The following DNAJC25 variants were observed in gnomAD, a reference collection of about 807,000 sequenced individuals.
The protein encoded by DNAJC25 is dnaJ homolog subfamily C member 25.
Under a neutral mutation model 42.1 loss-of-function variants are expected in DNAJC25, and 26 were observed. That is an observed-to-expected ratio of 0.62 (90% CI 0.45 to 0.86). DNAJC25 has a LOEUF of 0.86. Among genes scored for constraint, DNAJC25 ranks in the 40% least tolerant of loss-of-function variants. DNAJC25 has a pLI of 0.00. For missense variants in DNAJC25, 404 were observed against 459.4 expected, an observed-to-expected ratio of 0.88 and a Z score of 1.10; for synonymous variants, 189 against 179.9, an observed-to-expected ratio of 1.05 and a Z score of -0.40.
At chr9:111,641,286 C>T (rs1830457267) in intron 1 of DNAJC25, among the ~76,000 whole-genome samples, 1 of 145,678 alleles carries the variant, frequency 6.9e-6, no homozygotes, top group Admixed American at 6.8e-5. Flanking sequence ...GCGCCTCTGC[C>T]CGGCCGCCCC....
chr9:111,649,693 C>T lies in DNAJC25; in HGVS notation c.730C>T (p.Leu244Phe). The change falls in exon 3 of 4, where the codon CTT (leucine) becomes TTT (phenylalanine). Residue 244 changes from leucine to phenylalanine, a missense_variant. Coordinates refer to ENST00000313525, the MANE Select transcript of DNAJC25 (RefSeq NM_001015882.3). ...CTATCAGAAACCCCAAATCTGTGAT[C>T]TTCTCCTGTTTCAAATTATCTTAGC... Reference protein sequence around the residue: ...GGYQKPQICDLLLFQIILAPF... With the variant: ...GGYQKPQICDFLLFQIILAPF... The T allele has an allele frequency of 6.2e-7, 1 of 1,614,086 alleles. No homozygotes were observed. The highest frequency in any genetic ancestry group is 8.5e-7 in the Non-Finnish European group (1 of 1,179,998).
At chr9:111,643,498 G>T (rs148368879) in intron 1 of DNAJC25, among the ~76,000 whole-genome samples, 156 of 152,256 alleles carry the variant, frequency 1.0e-3, no homozygotes, top group South Asian at 3.5e-3. Context: ...GGATTAATAG[G>T]ACTCATGAGG....
At chr9:111,650,600 A>C (rs1830644554) in intron 3 of DNAJC25, among the ~76,000 whole-genome samples, 1 of 152,168 alleles carries the variant, frequency 6.6e-6, no homozygotes, top group Non-Finnish European at 1.5e-5. Flanking sequence ...ATTCAGGATA[A>C]AATTCATTGG....
chr9:111,650,053 C>A, intron 3 of DNAJC25, 130 bp downstream of exon 3: 2 of 842,066 alleles, frequency 2.4e-6, no homozygotes, highest in Non-Finnish European at 3.4e-6. Flanking sequence ...TTAGTAAAGA[C>A]CTTTTATTGA....
chr9:111,637,234 A>G (rs1302698887), intron 1 of DNAJC25, among the ~76,000 whole-genome samples: 1 of 152,148 alleles, frequency 6.6e-6, no homozygotes, highest in Non-Finnish European at 1.5e-5. Flanking sequence ...GGGAGGGAGA[A>G]TGTTGCAGGA....
chr9:111,648,572 C>A (rs1399920835), intron 2 of DNAJC25, among the ~76,000 whole-genome samples: 1 of 152,114 alleles, frequency 6.6e-6, no homozygotes, highest in South Asian at 2.1e-4. Flanking sequence ...ACTTGGCCGA[C>A]ATTCAATTTT....
intron 1 of DNAJC25, among the ~76,000 whole-genome samples, chr9:111,643,610 C>G (rs556925403): frequency 4.7e-4 from 71 of 152,076 alleles, no homozygotes; most frequent in Admixed American, 1.2e-3. Context: ...TGAATGTTTG[C>G]TATGGGTAAA....
In DNAJC25 at chr9:111,647,230, G is replaced by A. The variant is rs768188994; in HGVS notation, c.460G>A (p.Val154Ile). ...GGTGGATGTTAGAGTAGTGATTTTG[G>A]TCAGCGTGTGTGCTATTTCGGTGTT... ...PKVDVRVVILVSVCAISVFQF... is the reference protein window; with the variant it reads ...PKVDVRVVILISVCAISVFQF... The change falls in exon 2 of 4, where the codon GTC becomes ATC. Residue 154 changes from valine (V) to isoleucine (I), a missense_variant. By Grantham distance (29) the Val-to-Ile change is conservative. Transcript: ENST00000313525. The A allele has an allele frequency of 2.5e-6, 4 of 1,614,152 alleles. No individual in the cohort carries two copies. In the Middle Eastern group the frequency reaches 4.9e-4, roughly 200 times the overall value.
chr9:111,631,509 G>A lies in DNAJC25; in HGVS notation c.102G>A (p.Arg34=), dbSNP rs1342308010. ...TGCTGCCGGCGCTGCTGCTGGTGCG[G>A]CCCGCGGGGGCCCTGGTGGAGGGGC... ...APLLPALLLV[R]PAGALVEGLY... The change falls in exon 1 of 4, where the codon CGG becomes CGA. Residue 34 remains arginine (R), a synonymous_variant. Transcript: ENST00000313525. 1.5e-6 allele frequency: 2 copies of A among 1,332,242 alleles called. No individual in the cohort carries two copies. Among genetic ancestry groups the A allele is most frequent in the East Asian group, 3.1e-5 (1 of 32,168 alleles). The allele number at this position is 1,332,242 out of a possible 1,614,324, so 82.5% of individuals were successfully genotyped here.
At chr9:111,637,747 A>G (rs1455206360) in intron 1 of DNAJC25, among the ~76,000 whole-genome samples, 2 of 151,720 alleles carry the variant, frequency 1.3e-5, no homozygotes, top group African/African-American at 4.8e-5. Flanking sequence ...ACTGCTCTTC[A>G]TTTCTTCCTC....
At chr9:111,644,466 A>C (rs1188183381) in intron 1 of DNAJC25, among the ~76,000 whole-genome samples, 2 of 152,340 alleles carry the variant, frequency 1.3e-5, no homozygotes, top group Non-Finnish European at 2.9e-5. Flanking sequence ...GATGATATCT[A>C]CGTTCTGTAG....
intron 3 of DNAJC25, among the ~76,000 whole-genome samples, chr9:111,650,312 A>C (rs995200343): frequency 9.3e-5 from 13 of 140,060 alleles, no homozygotes; most frequent in South Asian, 2.2e-4. Context: ...AAAAAAAAAA[A>C]AACAACAGAG....
At position 111,642,639 on chromosome 9, in the gene DNAJC25, AAAT is replaced by A. The variant is rs1186534933; in HGVS notation, c.337-4465_337-4463del. 6.0e-5 allele frequency among the ~76,000 whole-genome samples: 9 copies of A among 150,444 alleles called. No homozygotes were observed. In the South Asian group the frequency reaches 6.3e-4, roughly 11 times the overall value. On this transcript the variant is annotated intron_variant, in intron 1 of 3. Coordinates refer to ENST00000313525, the MANE Select transcript of DNAJC25 (RefSeq NM_001015882.3). Reference sequence around the variant, plus strand: ...TAAATAAATAAATAAATAAATAAATAAATAAAAAATAAATGTAAAACTAGCTGC... The same window carrying A: ...TAAATAAATAAATAAATAAATAAATAAAAAAATAAATGTAAAACTAGCTGC...
intron 3 of DNAJC25, among the ~76,000 whole-genome samples, chr9:111,650,519 G>A (rs183453103): frequency 4.2e-4 from 64 of 152,200 alleles, no homozygotes; most frequent in African/African-American, 1.4e-3. Flanking sequence ...AAATTACTTC[G>A]AGGTGATCCG....
At chr9:111,637,767 C>A (rs1043793695) in intron 1 of DNAJC25, among the ~76,000 whole-genome samples, 2 of 152,206 alleles carry the variant, frequency 1.3e-5, no homozygotes, top group African/African-American at 2.4e-5. Context: ...CCTCCTGGAA[C>A]TTTGTGTCAT....
intron 1 of DNAJC25, among the ~76,000 whole-genome samples, chr9:111,637,521 TCTC>T: frequency 6.6e-6 from 1 of 152,336 alleles, no homozygotes; most frequent in South Asian, 2.1e-4. Flanking sequence ...AACTTGAAAA[TCTC>T]CTACTTGGTT....
chr9:111,639,724 TA>T (rs200619291), intron 1 of DNAJC25, among the ~76,000 whole-genome samples: 2,601 of 148,964 alleles, frequency 0.017, 87 homozygotes, highest in African/African-American at 0.059. Flanking sequence ...TGTGTGGATT[TA>T]AAAAAAAATA....
chr9:111,637,218 T>G (rs1359236208), intron 1 of DNAJC25, among the ~76,000 whole-genome samples: 3 of 152,084 alleles, frequency 2.0e-5, no homozygotes, highest in Non-Finnish European at 4.4e-5. Context: ...GCCTGCGAGG[T>G]GCCGTGGGAG....
intron 1 of DNAJC25, among the ~76,000 whole-genome samples, chr9:111,639,025 C>T (rs529849347): frequency 1.3e-5 from 2 of 152,072 alleles, no homozygotes; most frequent in Non-Finnish European, 2.9e-5. Flanking sequence ...TTTCCTTTGC[C>T]TGAAACAAGT....
Sources: gnomAD v4.1 joint callset for allele counts (sites outside exome capture counted in the v4.1 genomes callset) on GRCh38, gnomAD v4.1.1 for gene constraint, MANE v1.5 for transcripts, NCBI Gene and HGNC (gene_info 2026-07-23, HGNC 2026-07-21) for gene names.